Variants in GTPBP10 observed in about 807,000 individuals in gnomAD.
GTPBP10 encodes GTP binding protein 10.
A neutral mutation model predicts 44.8 loss-of-function variants in GTPBP10; 38 were observed. The ratio of observed to expected loss-of-function variants is 0.85; its 90% CI spans 0.65 to 1.11. GTPBP10 has a LOEUF of 1.11. Among genes scored for constraint, GTPBP10 ranks in the 50% most tolerant of loss-of-function variants. GTPBP10 has a pLI of 0.00. For missense variants in GTPBP10, 462 were observed against 453.7 expected, an observed-to-expected ratio of 1.02 and a Z score of -0.17; for synonymous variants, 152 against 150.6, an observed-to-expected ratio of 1.01 and a Z score of -0.07.
chr7:90,356,461 T>C (rs11563338), intron 4 of GTPBP10, among the ~76,000 whole-genome samples: 4,200 of 152,300 alleles, frequency 0.028, 95 homozygotes, highest in Non-Finnish European at 0.041. Flanking sequence ...TTTCAAGTTC[T>C]GAAGAGACAA....
Position 90,352,951 on chromosome 7 carries a change from C to G in GTPBP10, c.169C>G (p.Gln57Glu). The G allele has an allele frequency of 6.2e-7, 1 of 1,613,284 alleles. No homozygotes were observed. Among genetic ancestry groups the G allele is most frequent in the South Asian group, 1.1e-5 (1 of 91,006 alleles). The change falls in exon 2 of 10, where the codon CAA becomes GAA. Residue 57 changes from glutamine to glutamate, a missense_variant. Gln to Glu is a conservative substitution (Grantham distance 29). Transcript: ENST00000222511. The part of the protein sequence containing the change: ...VVAQNRMTLK[Q>E]LKDRYPRKRF... ...AGCCCAGAACAGAATGACTTTAAAA[C>G]AACTTAAAGACAGGTATCCTCGGAA...
chr7:90,381,646 C>G (rs1183866953), intron 8 of GTPBP10, among the ~76,000 whole-genome samples: 1 of 152,140 alleles, frequency 6.6e-6, no homozygotes, highest in East Asian at 1.9e-4. Flanking sequence ...GGAAGCTTCA[C>G]ACTACCTAAT....
At chr7:90,349,062 A>G (rs1795738586) in intron 1 of GTPBP10, among the ~76,000 whole-genome samples, 1 of 152,082 alleles carries the variant, frequency 6.6e-6, no homozygotes. Flanking sequence ...TGGCATATTC[A>G]CAGCCTCTTT....
In GTPBP10 at chr7:90,383,097, T is replaced by A; in HGVS notation, c.901+18T>A. 6.6e-7 allele frequency: 1 copy of A among 1,506,326 alleles called. No homozygotes were observed. The highest frequency in any genetic ancestry group is 1.4e-5 in the African/African-American group (1 of 72,480). 93.3% of individuals were successfully genotyped at this position (1,506,326 alleles called of 1,614,324 possible). A position where few individuals can be genotyped will look rare whatever the true frequency, so the allele number is the denominator to read the frequency against. On this transcript the variant is annotated intron_variant, in intron 9 of 9. Transcript: ENST00000222511. ...TCCTAAAGGTAAACCTATTTATTCA[T>A]TTAATTCTAATTTAAAGAATAATTA...
At chr7:90,372,785 A>G (rs371949601) in intron 5 of GTPBP10, among the ~76,000 whole-genome samples, 166 of 152,242 alleles carry the variant, frequency 1.1e-3, no homozygotes, top group African/African-American at 3.7e-3. Context: ...AGTACCAGGA[A>G]GGTACTTATC....
At chr7:90,374,258 TA>T (rs1412993247) in intron 5 of GTPBP10, 43 bp from the exon 6 acceptor site, 6 of 1,343,996 alleles carry the variant, frequency 4.5e-6, no homozygotes, top group Admixed American at 1.7e-5. Flanking sequence ...GTACCAGCCC[TA>T]AAATAAATTC....
intron 4 of GTPBP10, among the ~76,000 whole-genome samples, chr7:90,369,044 C>G (rs917578443): frequency 6.6e-6 from 1 of 152,192 alleles, no homozygotes; most frequent in African/African-American, 2.4e-5. Context: ...TTCTAACAGT[C>G]GGGCTTCTTC....
At position 90,388,798 on chromosome 7, in the gene GTPBP10, G is replaced by A. The variant is rs768450584; in HGVS notation, c.*3644G>A. 1 of 152,144 alleles carries A rather than the reference G, an allele frequency of 6.6e-6. No individual in the cohort carries two copies. Among genetic ancestry groups the A allele is most frequent in the African/African-American group, 2.4e-5 (1 of 41,440 alleles). 9.4% of individuals were successfully genotyped at this position (152,144 alleles called of 1,614,324 possible). A position where few individuals can be genotyped will look rare whatever the true frequency, so the allele number is the denominator to read the frequency against. The stretch of plus-strand genomic sequence containing the variant: ...AGTAGTTAATGAAAGCTACAGACTT[G>A]TCTTGCCGAAAAATGTACATAAACA... On this transcript the variant is annotated 3_prime_UTR_variant, in exon 10 of 10. Coordinates refer to ENST00000222511, the MANE Select transcript of GTPBP10 (RefSeq NM_033107.4).
chr7:90,383,169 C>G (rs763417865), intron 9 of GTPBP10, 90 bp downstream of exon 9: 6 of 974,992 alleles, frequency 6.2e-6, no homozygotes, highest in Non-Finnish European at 8.4e-6. Context: ...CTGACAGTTT[C>G]TGCTCTTAAA....
intron 6 of GTPBP10, among the ~76,000 whole-genome samples, chr7:90,374,819 T>TA (rs374724850): frequency 1.4e-3 from 213 of 152,066 alleles, no homozygotes; most frequent in African/African-American, 4.8e-3. Flanking sequence ...AGAAAAAAAC[T>TA]AAAAAAAGGA....
chr7:90,363,326 G>C (rs112727746), intron 4 of GTPBP10, among the ~76,000 whole-genome samples: 2,357 of 152,212 alleles, frequency 0.015, 59 homozygotes, highest in African/African-American at 0.052. Context: ...GTAGGGCAGG[G>C]CTGGTGTTGA....
At chr7:90,367,966 G>A (rs886585175) in intron 4 of GTPBP10, among the ~76,000 whole-genome samples, 15 of 152,162 alleles carry the variant, frequency 9.9e-5, no homozygotes, top group Non-Finnish European at 2.1e-4. Context: ...GCTCTTGTAA[G>A]GCAGGCCTGG....
intron 1 of GTPBP10, chr7:90,347,512 C>G (rs1400088661): frequency 2.0e-6 from 1 of 509,908 alleles, no homozygotes; most frequent in Non-Finnish European, 2.5e-6. Flanking sequence ...AAAAAAAAAT[C>G]CCATTTGTTT....
chr7:90,351,127 C>T (rs989640636), intron 1 of GTPBP10, among the ~76,000 whole-genome samples: 6 of 152,242 alleles, frequency 3.9e-5, no homozygotes, highest in East Asian at 3.9e-4. Flanking sequence ...GAGGTAACTA[C>T]GAAATTATTA....
chr7:90,357,055 A>G (rs944245586), intron 4 of GTPBP10, among the ~76,000 whole-genome samples: 1 of 152,206 alleles, frequency 6.6e-6, no homozygotes, highest in Non-Finnish European at 1.5e-5. Context: ...GCATAAGTAG[A>G]TATCCTTTTA....
At chr7:90,375,873 G>A (rs1796337121) in intron 6 of GTPBP10, among the ~76,000 whole-genome samples, 1 of 152,000 alleles carries the variant, frequency 6.6e-6, no homozygotes, top group Admixed American at 6.6e-5. Flanking sequence ...TGGGGGTAGG[G>A]CCTGGGCATT....
chr7:90,376,595 A>G (rs1441542600), intron 6 of GTPBP10, among the ~76,000 whole-genome samples: 1 of 152,238 alleles, frequency 6.6e-6, no homozygotes, highest in Non-Finnish European at 1.5e-5. Flanking sequence ...AATGTGAAGC[A>G]TTAACAAACA....
At chr7:90,369,612 G>A (rs1796215813) in intron 4 of GTPBP10, among the ~76,000 whole-genome samples, 1 of 152,178 alleles carries the variant, frequency 6.6e-6, no homozygotes, top group African/African-American at 2.4e-5. Context: ...CGTTGGCTTG[G>A]GACCTGCTCA....
chr7:90,366,466 G>C (rs1796136145), intron 4 of GTPBP10, among the ~76,000 whole-genome samples: 1 of 152,104 alleles, frequency 6.6e-6, no homozygotes, highest in Admixed American at 6.5e-5. Flanking sequence ...CCTGTTACTG[G>C]TCTATTCAGA....
Sources: allele counts gnomAD v4.1 joint callset (sites outside exome capture counted in the v4.1 genomes callset), GRCh38; gene constraint gnomAD v4.1.1; transcripts MANE v1.5; gene names NCBI Gene and HGNC (gene_info 2026-07-23, HGNC 2026-07-21).